SCN9A: variants seen among roughly 807,000 people sequenced by gnomAD.
SCN9A encodes sodium voltage-gated channel alpha subunit 9.
In SCN9A, 131 loss-of-function variants were observed where a neutral mutation model predicts 187.0. That is an observed-to-expected ratio of 0.70 (90% CI 0.61 to 0.81). SCN9A has a LOEUF of 0.81. Among genes scored for constraint, SCN9A ranks in the 30% least tolerant of loss-of-function variants. The probability of loss-of-function intolerance (pLI) is 0.00; values close to 1 mark genes in which losing one functional copy is unlikely to be tolerated. For synonymous variants in SCN9A, 809 were observed against 808.6 expected, an observed-to-expected ratio of 1.00 and a Z score of -0.01; for missense variants, 2,252 against 2,396.6, an observed-to-expected ratio of 0.94 and a Z score of 1.26.
intron 24 of SCN9A, among the ~76,000 whole-genome samples, chr2:166,218,660 C>G (rs577653648): frequency 6.6e-6 from 1 of 151,992 alleles, no homozygotes; most frequent in Non-Finnish European, 1.5e-5. Flanking sequence ...TAGGCATGGG[C>G]AAAGATTTCA....
rs112869318 is a variant in SCN9A, at chr2:166,336,074, G to A, written c.-50-24268C>T. Among the ~76,000 whole-genome samples the A allele has an allele frequency of 9.4e-3, 1,423 of 152,128 alleles. 30 individuals are homozygous for A. The highest frequency in any genetic ancestry group is 0.031 in the African/African-American group (1,290 of 41,510). ...AGAACTTGAGCATCTCCAGATTTCA[G>A]TATCTCATGAGGTCCTAGAACCAAT... On this transcript the variant is annotated intron_variant, in intron 1 of 26. Transcript: ENST00000642356.
intron 20 of SCN9A, 47 bp downstream of exon 20, chr2:166,238,047 C>A: frequency 7.1e-7 from 1 of 1,416,918 alleles, no homozygotes; most frequent in East Asian, 2.4e-5. Context: ...TTTCACAACA[C>A]ACAGTAAGAA....
intron 20 of SCN9A, 30 bp downstream of exon 20, chr2:166,238,064 C>T (rs1013810588): frequency 1.0e-5 from 16 of 1,543,810 alleles, no homozygotes; most frequent in Non-Finnish European, 1.4e-5. Flanking sequence ...AGAATAAATC[C>T]TCTTTTAAAA....
At position 166,272,388 on chromosome 2, in the gene SCN9A, A is replaced by G; in HGVS notation, c.3351+11T>C. 1.4e-6 allele frequency: 2 copies of G among 1,474,354 alleles called. No homozygotes were observed. The highest frequency in any genetic ancestry group is 9.2e-7 in the Non-Finnish European group (1 of 1,082,276). 91.3% of individuals were successfully genotyped at this position (1,474,354 alleles called of 1,614,324 possible). ...TTAATATGAAACACAAAGTATATGA[A>G]GCATTCTTACCACTTTGCTGTATTC... On this transcript the variant is annotated intron_variant, in intron 17 of 26. Coordinates refer to ENST00000642356, the MANE Select transcript of SCN9A (RefSeq NM_001365536.1).
At chr2:166,375,213 G>C (rs1036976323) in intron 1 of SCN9A, among the ~76,000 whole-genome samples, 2 of 152,116 alleles carry the variant, frequency 1.3e-5, no homozygotes, top group African/African-American at 4.8e-5. Context: ...TGCTCTTAAG[G>C]GGTGCGGGGT....
chr2:166,279,227 C>T (rs918928722), intron 14 of SCN9A, among the ~76,000 whole-genome samples: 7 of 152,100 alleles, frequency 4.6e-5, no homozygotes, highest in African/African-American at 9.7e-5. Flanking sequence ...GCTAACTCAG[C>T]GAGCACATGG....
intron 23 of SCN9A, among the ~76,000 whole-genome samples, chr2:166,227,221 A>G (rs1694877776): frequency 6.6e-6 from 1 of 152,198 alleles, no homozygotes; most frequent in South Asian, 2.1e-4. Context: ...AAACAGTAAA[A>G]GCTATACATT....
intron 18 of SCN9A, among the ~76,000 whole-genome samples, chr2:166,248,017 G>A (rs1407452364): frequency 6.6e-6 from 1 of 152,010 alleles, no homozygotes; most frequent in African/African-American, 2.4e-5. Context: ...GTGAATAAGA[G>A]GAACCAGATG....
In SCN9A at chr2:166,222,653, C is replaced by G. The variant is rs938888920; in HGVS notation, c.4398+3914G>C. Among the ~76,000 whole-genome samples the G allele has an allele frequency of 3.5e-5, 5 of 143,210 alleles. No homozygotes were observed. In the East Asian group the frequency reaches 1.0e-3, roughly 29 times the overall value. 94.0% of individuals were successfully genotyped at this position (143,210 alleles called of 152,430 possible). On this transcript the variant is annotated intron_variant, in intron 24 of 26. Transcript: ENST00000642356. ...AACAAACAAACAAACAGCAACAAGG[C>G]CGGGCGTGGTGGCTCACGCCTGTAA...
chr2:166,269,392 A>AGAATTTATATATAAATTCTATAG (rs1696878442), intron 17 of SCN9A, among the ~76,000 whole-genome samples: 1 of 151,956 alleles, frequency 6.6e-6, no homozygotes, highest in African/African-American at 2.4e-5. Flanking sequence ...ATGGCTTTAT[A>AGAATTTATATATAAATTCTATAG]CCCCAGGGGA....
intron 1 of SCN9A, among the ~76,000 whole-genome samples, chr2:166,333,265 CTAAT>C (rs952526341): frequency 1.3e-5 from 2 of 152,030 alleles, no homozygotes; most frequent in Non-Finnish European, 2.9e-5. Context: ...TTAAAATTTA[CTAAT>C]TGTTTATCTA....
chr2:166,212,868 AC>A (rs1219118093), intron 24 of SCN9A, among the ~76,000 whole-genome samples: 1 of 152,180 alleles, frequency 6.6e-6, no homozygotes, highest in Non-Finnish European at 1.5e-5. Context: ...AAATTAAACA[AC>A]ACTCTCTTGA....
rs770005392 is a variant in SCN9A at position 166,204,044 on chromosome 2, C to T, written c.4685G>A (p.Cys1562Tyr). 2 of 1,610,244 alleles carry T rather than the reference C, an allele frequency of 1.2e-6. No individual in the cohort carries two copies. The highest frequency in any genetic ancestry group is 8.5e-7 in the Non-Finnish European group (1 of 1,177,012). Residue 1562 changes from cysteine to tyrosine, a missense_variant, in exon 26 of 27, where the codon TGT becomes TAT. This residue lies in a region of SCN9A where 368 missense variants were observed against 408.6 expected (regional missense o/e 0.90). Transcript: ENST00000642356. ...TCTGAGGGAGATCAGTTTTAGCACA[C>T]ATTCTCCAGTGAAAAGGATTATAAA... Reference protein sequence around the residue: ...VVFIILFTGECVLKLISLRHY... With the variant: ...VVFIILFTGEYVLKLISLRHY...
chr2:166,297,216 A>AAAAAAAAAAAAAAAAAAAAAAAAAAAAC (rs1698351533), intron 7 of SCN9A, among the ~76,000 whole-genome samples: 1 of 146,582 alleles, frequency 6.8e-6, no homozygotes, highest in African/African-American at 2.5e-5. Flanking sequence ...AAAAAAAAAA[A>AAAAAAAAAAAAAAAAAAAAAAAAAAAAC]AAAAAAAAAA....
chr2:166,224,694 T>C (rs1694771818), intron 24 of SCN9A, among the ~76,000 whole-genome samples: 1 of 152,136 alleles, frequency 6.6e-6, no homozygotes. Flanking sequence ...ATTTGGAGAC[T>C]TAGTGTGGTC....
In SCN9A at chr2:166,305,798, A is replaced by T. The variant is rs577251799; in HGVS notation, c.590T>A (p.Val197Asp). 6.2e-7 allele frequency: 1 copy of T among 1,613,482 alleles called. No individual in the cohort carries two copies. Among genetic ancestry groups the T allele is most frequent in the Non-Finnish European group, 8.5e-7 (1 of 1,179,544 alleles). Reference sequence around the variant, plus strand: ...AAAAGCTGAAAGTACTTACGCAAAAACAATGACGACAAAATCCAGCCAGTT... The same window carrying T: ...AAAAGCTGAAAGTACTTACGCAAAATCAATGACGACAAAATCCAGCCAGTT... Reference protein sequence around the residue: ...PWNWLDFVVIVFAYLTEFVNL... With the variant: ...PWNWLDFVVIDFAYLTEFVNL... The change falls in exon 5 of 27, where the codon GTT becomes GAT. Residue 197 changes from valine (V) to aspartate (D), a missense_variant. Val to Asp is a radical substitution (Grantham distance 152, BLOSUM62 -3). Around this residue, in one of 7 missense-constraint regions of SCN9A, gnomAD observed 1,013 missense variants for 997.4 expected, o/e 1.02. Coordinates refer to ENST00000642356, the MANE Select transcript of SCN9A (RefSeq NM_001365536.1).
intron 1 of SCN9A, among the ~76,000 whole-genome samples, chr2:166,353,480 C>T (rs535249716): frequency 1.3e-4 from 20 of 152,258 alleles, no homozygotes; most frequent in African/African-American, 4.3e-4. Context: ...ATGCTGACAG[C>T]CTCTTCTGTT....
rs1336594718 is a variant in SCN9A, at chr2:166,286,471, G to A, written c.1467C>T (p.Ser489=). The A allele has an allele frequency of 1.9e-6, 3 of 1,613,746 alleles. No individual in the cohort carries two copies. The highest frequency in any genetic ancestry group is 4.5e-5 in the East Asian group (2 of 44,872). The part of the protein sequence containing the change: ...RRKKKNQKKL[S]SGEEKGDAEK... The stretch of plus-strand genomic sequence containing the variant: ...CAGCATCTCCCTTTTCCTCTCCACT[G>A]GAGAGCTTCTTTTGATTCTTTTTCT... Residue 489 remains serine (S), a synonymous_variant, in exon 11 of 27, where the codon TCC becomes TCT. Transcript: ENST00000642356.
At position 166,199,689 on chromosome 2, in the gene SCN9A, C is replaced by G. The variant is rs976620881; in HGVS notation, c.4950G>C (p.Leu1650=). The change falls in exon 27 of 27, where the codon CTG becomes CTC. Residue 1650 remains leucine (L), a synonymous_variant. Coordinates refer to ENST00000642356, the MANE Select transcript of SCN9A (RefSeq NM_001365536.1). ...SLPALFNIGL[L]LFLVMFIYAI... ...CGTAGATGAACATGACCAGGAAGAGCAGGAGGCCGATGTTAAACAACGCAG... is the reference window on the plus strand; with the variant it reads ...CGTAGATGAACATGACCAGGAAGAGGAGGAGGCCGATGTTAAACAACGCAG... The G allele has an allele frequency of 6.2e-6, 10 of 1,614,006 alleles. No individual in the cohort carries two copies. In the African/African-American group the frequency reaches 8.0e-5, roughly 13 times the overall value.
Sources: allele counts gnomAD v4.1 joint callset (sites outside exome capture counted in the v4.1 genomes callset), GRCh38; gene constraint gnomAD v4.1.1; regional missense constraint gnomAD v4.1.1; transcripts MANE v1.5; gene names NCBI Gene and HGNC (gene_info 2026-07-23, HGNC 2026-07-21).